The following CD38 variants were observed in gnomAD, a reference collection of about 807,000 sequenced individuals.
CD38 encodes the protein CD38 molecule.
A neutral mutation model predicts 36.3 loss-of-function variants in CD38; 31 were observed. That is an observed-to-expected ratio of 0.85 (90% CI 0.64 to 1.15). The LOEUF (loss-of-function observed/expected upper bound fraction) is 1.15. Among genes scored for constraint, CD38 ranks in the 50% most tolerant of loss-of-function variants. CD38 has a pLI of 0.00. For missense variants in CD38, 380 were observed against 371.9 expected (o/e 1.02, Z -0.18); for synonymous variants, 131 against 135.2 (o/e 0.97, Z 0.22).
At chr4:15,818,732 G>A (rs1043575333) in intron 2 of CD38, among the ~76,000 whole-genome samples, 4 of 152,146 alleles carry the variant, frequency 2.6e-5, no homozygotes, top group African/African-American at 4.8e-5. Flanking sequence ...AGGTGAATAG[G>A]GTCTGGAGTG....
At chr4:15,800,743 A>G (rs369181855) in intron 1 of CD38, among the ~76,000 whole-genome samples, 2 of 152,144 alleles carry the variant, frequency 1.3e-5, no homozygotes, top group South Asian at 2.1e-4. Context: ...AACATGTCTA[A>G]CAAATAAAAA....
rs78457989 is a variant in CD38, at chr4:15,838,309, G to T, written c.659+144G>T. ...AAAAAAGGTAAAAATTTTGAATTCC[G>T]TGGAGAGAGTTGTCTCCTGTCAATG... On this transcript the variant is annotated intron_variant, in intron 5 of 7. Transcript: ENST00000226279. 5.9e-5 allele frequency: 39 copies of T among 665,290 alleles called. No individual in the cohort carries two copies. In the African/African-American group the frequency reaches 6.4e-4, roughly 11 times the overall value. The allele number at this position is 665,290 out of a possible 1,614,324, so 41.2% of individuals were successfully genotyped here.
At position 15,787,974 on chromosome 4, in the gene CD38, C is replaced by T. The variant is rs1222763518; in HGVS notation, c.233+9327C>T. Among the ~76,000 whole-genome samples, 4 of 152,214 alleles carry T rather than the reference C, an allele frequency of 2.6e-5. No homozygotes were observed. The East Asian group carries it at 7.7e-4, about 29-fold the overall frequency. On this transcript the variant is annotated intron_variant, in intron 1 of 7. Coordinates refer to ENST00000226279, the MANE Select transcript of CD38 (RefSeq NM_001775.4). ...ATTTAGACAAACTCCCCTACATTCC[C>T]TTGTACCCACTCCTCGCCCTCTGCG...
At chr4:15,819,364 T>C (rs1248126214) in intron 2 of CD38, among the ~76,000 whole-genome samples, 1 of 148,558 alleles carries the variant, frequency 6.7e-6, no homozygotes, top group Non-Finnish European at 1.5e-5. Flanking sequence ...ATTTACCCAA[T>C]GTTAAAAAAA....
intron 2 of CD38, chr4:15,816,884 C>A (rs918507819): frequency 4.6e-6 from 2 of 433,602 alleles, no homozygotes; most frequent in Non-Finnish European, 4.2e-6. Context: ...GGGGCTTTGG[C>A]CAAAAACTAG....
At chr4:15,832,702 C>T (rs1723984380) in intron 3 of CD38, among the ~76,000 whole-genome samples, 1 of 152,128 alleles carries the variant, frequency 6.6e-6, no homozygotes, top group Admixed American at 6.5e-5. Context: ...CAGCACTTGC[C>T]CAGGGCCTGC....
At chr4:15,799,632 A>G (rs1456779636) in intron 1 of CD38, among the ~76,000 whole-genome samples, 3 of 152,228 alleles carry the variant, frequency 2.0e-5, no homozygotes, top group East Asian at 3.9e-4. Flanking sequence ...TTATTTATCT[A>G]TTGATAGACA....
chr4:15,784,211 G>A (rs777233797), intron 1 of CD38, among the ~76,000 whole-genome samples: 1 of 152,244 alleles, frequency 6.6e-6, no homozygotes, highest in Non-Finnish European at 1.5e-5. Context: ...GAAAGACTAT[G>A]TGAATTGCTG....
At position 15,778,756 on chromosome 4, in the gene CD38, A is replaced by T; in HGVS notation, c.233+109A>T. On this transcript the variant is annotated intron_variant, in intron 1 of 7. Transcript: ENST00000226279. The surrounding 1 kb of genome is among the most constrained non-coding windows in gnomAD (Gnocchi z 4.9). ...AACCGGGCATCTTCCGTGGCGGGTC[A>T]GCCGAGAGCCCGCCGGGTGGTGCTG... 1 of 760,684 alleles carries T rather than the reference A, an allele frequency of 1.3e-6. No homozygotes were observed. The highest frequency in any genetic ancestry group is 1.7e-5 in the South Asian group (1 of 58,910). 47.1% of individuals were successfully genotyped at this position (760,684 alleles called of 1,614,324 possible).
rs13133313 is a variant in CD38 at position 15,852,061 on chromosome 4, T to G, written c.*3459T>G. On this transcript the variant is annotated 3_prime_UTR_variant, in exon 8 of 8. Transcript: ENST00000226279. ...GTTTGGGCCATCATTGGCTGAAAAGTGGTTATGCGACACATGACTGTATAT... is the reference window on the plus strand; with the variant it reads ...GTTTGGGCCATCATTGGCTGAAAAGGGGTTATGCGACACATGACTGTATAT... 6.6e-6 allele frequency: 1 copy of G among 152,012 alleles called. No homozygotes were observed. Among genetic ancestry groups the G allele is most frequent in the African/African-American group, 2.4e-5 (1 of 41,390 alleles). 9.4% of individuals were successfully genotyped at this position (152,012 alleles called of 1,614,324 possible).
chr4:15,778,484 C>T lies in CD38; in HGVS notation c.70C>T (p.Leu24Phe), dbSNP rs762606276. The part of the protein sequence containing the change: ...PCCRLSRRAQ[L>F]CLGVSILVLI... ...CTGCCGGCTCTCTAGGAGAGCCCAA[C>T]TCTGTCTTGGCGTCAGTATCCTGGT... Residue 24 changes from leucine (L) to phenylalanine (F), a missense_variant, in exon 1 of 8, where the codon CTC (leucine) becomes TTC (phenylalanine). Coordinates refer to ENST00000226279, the MANE Select transcript of CD38 (RefSeq NM_001775.4). This position sits in a 1 kb window ranked among gnomAD's most constrained non-coding sequence, Gnocchi z 4.9. 1.9e-6 allele frequency: 3 copies of T among 1,614,008 alleles called. No homozygotes were observed. The highest frequency in any genetic ancestry group is 1.1e-5 in the South Asian group (1 of 91,072).
intron 5 of CD38, among the ~76,000 whole-genome samples, chr4:15,838,842 A>G (rs1007691694): frequency 6.6e-6 from 1 of 152,148 alleles, no homozygotes; most frequent in Non-Finnish European, 1.5e-5. Context: ...ACAGATGAAA[A>G]ATGCTGAGCT....
chr4:15,813,604 A>G (rs993207429), intron 1 of CD38, among the ~76,000 whole-genome samples: 1 of 149,770 alleles, frequency 6.7e-6, no homozygotes, highest in Non-Finnish European at 1.5e-5. Context: ...CTTGCTCCCC[A>G]CCCCCGCCGA....
At position 15,840,048 on chromosome 4, in the gene CD38, C is replaced by T; in HGVS notation, c.682C>T (p.His228Tyr). The change falls in exon 6 of 8, where the codon CAT becomes TAT. Residue 228 changes from histidine to tyrosine, a missense_variant. Physicochemically the swap from His to Tyr is moderately conservative, Grantham distance 83. Coordinates refer to ENST00000226279, the MANE Select transcript of CD38 (RefSeq NM_001775.4). ...TAGCACTTTTGGGAGTGTGGAAGTCCATAATTTGCAACCAGAGAAGGTTCA... is the reference window on the plus strand; with the variant it reads ...TAGCACTTTTGGGAGTGTGGAAGTCTATAATTTGCAACCAGAGAAGGTTCA... ...KNSTFGSVEV[H>Y]NLQPEKVQTL... 1 of 1,613,382 alleles carries T rather than the reference C, an allele frequency of 6.2e-7. No homozygotes were observed. The highest frequency in any genetic ancestry group is 8.5e-7 in the Non-Finnish European group (1 of 1,179,398).
intron 1 of CD38, among the ~76,000 whole-genome samples, chr4:15,813,430 A>AT (rs1355950176): frequency 4.0e-5 from 6 of 151,644 alleles, no homozygotes; most frequent in South Asian, 2.1e-4. Flanking sequence ...TTACATGTTA[A>AT]TTTTTTTTTA....
intron 7 of CD38, among the ~76,000 whole-genome samples, chr4:15,841,434 G>A (rs1304411754): frequency 6.6e-6 from 1 of 152,192 alleles, no homozygotes; most frequent in Non-Finnish European, 1.5e-5. Flanking sequence ...AATTCCCCAT[G>A]AGTCACCTTG....
At chr4:15,817,769 G>T (rs1370049947) in intron 2 of CD38, among the ~76,000 whole-genome samples, 1 of 152,110 alleles carries the variant, frequency 6.6e-6, no homozygotes, top group Non-Finnish European at 1.5e-5. Flanking sequence ...AATGAATAGG[G>T]GGAGGAGCCA....
chr4:15,842,242 G>GTCCCTGA (rs1203243948), intron 7 of CD38, among the ~76,000 whole-genome samples: 1 of 126,948 alleles, frequency 7.9e-6, no homozygotes, highest in African/African-American at 3.5e-5. Context: ...CTTCAAGTGG[G>GTCCCTGA]TCCCTGACCC....
intron 2 of CD38, among the ~76,000 whole-genome samples, chr4:15,824,175 A>G (rs1437363170): frequency 6.6e-6 from 1 of 152,174 alleles, no homozygotes; most frequent in Non-Finnish European, 1.5e-5. Context: ...TGAGAACATT[A>G]GGACAAATAG....
Sources: gnomAD v4.1 joint callset for allele counts (sites outside exome capture counted in the v4.1 genomes callset) on GRCh38, gnomAD v4.1.1 for gene constraint, Gnocchi (gnomAD v3.1) non-coding constraint, MANE v1.5 for transcripts, NCBI Gene and HGNC (gene_info 2026-07-23, HGNC 2026-07-21) for gene names.